Variants in TNRC6B observed in about 807,000 individuals in gnomAD.
The protein encoded by TNRC6B is trinucleotide repeat containing adaptor 6B, also known as trinucleotide repeat-containing gene 6B protein.
A neutral mutation model predicts 203.6 loss-of-function variants in TNRC6B; 52 were observed. The ratio of observed to expected loss-of-function variants is 0.26; its 90% CI spans 0.20 to 0.32. The LOEUF (loss-of-function observed/expected upper bound fraction) is 0.32, where lower values mean the gene tolerates loss of function less well. TNRC6B is among the 10% of genes least tolerant of loss of function. The pLI, the probability that TNRC6B is intolerant of heterozygous loss-of-function variation, is 1.00. For synonymous variants in TNRC6B, 838 were observed against 845.7 expected, an observed-to-expected ratio of 0.99 and a Z score of 0.16; for missense variants, 1,923 against 2,286.2, an observed-to-expected ratio of 0.84 and a Z score of 3.24.
At chr22:40,092,197 G>A (rs1304204367) in intron 1 of TNRC6B, among the ~76,000 whole-genome samples, 2 of 152,090 alleles carry the variant, frequency 1.3e-5, no homozygotes, top group East Asian at 1.9e-4. Flanking sequence ...GAGGTCAGGG[G>A]TTCGAGACCA....
At chr22:40,127,768 G>T (rs1274809013) in intron 3 of TNRC6B, among the ~76,000 whole-genome samples, 1 of 152,136 alleles carries the variant, frequency 6.6e-6, no homozygotes, top group African/African-American at 2.4e-5. Context: ...TACTCAGGAG[G>T]CTGAGGTAGG....
chr22:40,085,643 GT>G (rs879534382), intron 1 of TNRC6B, among the ~76,000 whole-genome samples: 77 of 152,164 alleles, frequency 5.1e-4, no homozygotes, highest in Non-Finnish European at 1.0e-3. Context: ...TTCAGATTGG[GT>G]TTTTTTGGCA....
Position 40,056,788 on chromosome 22 carries a change from ACC to A in TNRC6B, c.-121+11792_-121+11793del, listed in dbSNP as rs769417783. Among the ~76,000 whole-genome samples the A allele has an allele frequency of 1.4e-3, 178 of 130,580 alleles. 1 individual carries two copies. The highest frequency in any genetic ancestry group is 2.7e-3 in the South Asian group (11 of 4,102). The allele number at this position is 130,580 out of a possible 152,430, so 85.7% of individuals were successfully genotyped here. On this transcript the variant is annotated intron_variant, in intron 1 of 23. Transcript: ENST00000301923. ...ACTCCAGCCTGAGAGACAGAGTGAC[ACC>A]CTGTCTCAAAAAAAAAAAAAAAAAG...
chr22:40,103,107 T>A lies in TNRC6B; in HGVS notation c.-120-13948T>A, dbSNP rs139230761. Among the ~76,000 whole-genome samples the A allele has an allele frequency of 9.3e-3, 1,400 of 150,060 alleles. 19 individuals carry two copies. Among genetic ancestry groups the A allele is most frequent in the African/African-American group, 0.026 (1,066 of 40,806 alleles). On this transcript the variant is annotated intron_variant, in intron 1 of 23. Coordinates refer to the TNRC6B transcript ENST00000301923. ...AATAAATAAAAATAAATAAATAAAT[T>A]AATTAATTAATTTAGCTGGTCATGA... is the stretch of plus-strand genomic sequence containing the variant.
chr22:40,241,389 C>A (rs535519611), intron 1 of TNRC6B, among the ~76,000 whole-genome samples: 2 of 152,222 alleles, frequency 1.3e-5, no homozygotes, highest in South Asian at 4.1e-4. Context: ...GTGAGATTTG[C>A]CGCACATTGC....
intron 1 of TNRC6B, among the ~76,000 whole-genome samples, chr22:40,207,493 T>C (rs908190562): frequency 6.7e-6 from 1 of 150,148 alleles, no homozygotes; most frequent in Non-Finnish European, 1.5e-5. Flanking sequence ...TACATGTTCA[T>C]TATATCATGA....
chr22:40,287,299 G>T (rs969382557), intron 12 of TNRC6B, among the ~76,000 whole-genome samples: 3 of 152,166 alleles, frequency 2.0e-5, no homozygotes, highest in African/African-American at 7.2e-5. Context: ...ATGAACCACC[G>T]TGCCCAGCCT....
rs528717282 is a variant in TNRC6B, at chr22:40,106,536, G to A, written c.-120-10519G>A. The A allele has an allele frequency of 5.2e-5, 38 of 735,248 alleles. No individual in the cohort carries two copies. In the East Asian group the frequency reaches 8.6e-4, roughly 17 times the overall value. The allele number at this position is 735,248 out of a possible 1,614,324, so 45.5% of individuals were successfully genotyped here. ...ATGATGCCATATTTACCAAGAGATC[G>A]AGCAATCAAAGTGTTATCTGTCAAA... On this transcript the variant is annotated intron_variant, in intron 1 of 23. Transcript: ENST00000301923.
chr22:40,268,894 C>A lies in TNRC6B; in HGVS notation c.2807-1228C>A, dbSNP rs552035064. Among the ~76,000 whole-genome samples the A allele has an allele frequency of 4.0e-5, 6 of 151,124 alleles. No homozygotes were observed. In the South Asian group the frequency reaches 1.3e-3, roughly 32 times the overall value. ...CGCCACTGCACTCCAGCCTGGGCGACAGAGCAAGACTCCGTCTCAAAAAAT... is the reference window on the plus strand; with the variant it reads ...CGCCACTGCACTCCAGCCTGGGCGAAAGAGCAAGACTCCGTCTCAAAAAAT... On this transcript the variant is annotated intron_variant, in intron 5 of 22. Transcript: ENST00000454349.
At chr22:40,278,961 G>T (rs527700768) in intron 9 of TNRC6B, among the ~76,000 whole-genome samples, 1 of 152,316 alleles carries the variant, frequency 6.6e-6, no homozygotes, top group South Asian at 2.1e-4. Flanking sequence ...GGCTGGTCTC[G>T]AACTCCTGAC....
chr22:40,194,603 A>T (rs2069313559), intron 1 of TNRC6B, among the ~76,000 whole-genome samples: 1 of 152,180 alleles, frequency 6.6e-6, no homozygotes, highest in South Asian at 2.1e-4. Flanking sequence ...CTTGATACAG[A>T]ACTCTTAGTT....
chr22:40,173,331 G>T (rs1225885899), upstream of TNRC6B, among the ~76,000 whole-genome samples: 1 of 151,688 alleles, frequency 6.6e-6, no homozygotes, highest in South Asian at 2.1e-4. Flanking sequence ...ACTTGACCTC[G>T]TGATCCACCC....
Position 40,264,639 on chromosome 22 carries a change from G to A in TNRC6B, c.458-49G>A, listed in dbSNP as rs755038270. The stretch of plus-strand genomic sequence containing the variant: ...GAGAGCCCCTTTGAGGGATTAATGG[G>A]TAATGAATGCATTTGAAGCTGTGAT... On this transcript the variant is annotated intron_variant, in intron 4 of 22. Coordinates refer to ENST00000454349, the MANE Select transcript of TNRC6B (RefSeq NM_001162501.2). 3.3e-6 allele frequency: 5 copies of A among 1,528,546 alleles called. No homozygotes were observed. The South Asian group carries it at 6.6e-5, about 20-fold the overall frequency. The allele number at this position is 1,528,546 out of a possible 1,614,324, so 94.7% of individuals were successfully genotyped here.
intron 1 of TNRC6B, among the ~76,000 whole-genome samples, chr22:40,062,369 C>G (rs896524690): frequency 2.7e-4 from 41 of 151,862 alleles, no homozygotes; most frequent in African/African-American, 9.9e-4. Context: ...CCCAGCTGCC[C>G]AGCTGATTTT....
chr22:40,290,674 C>T (rs965675086), intron 12 of TNRC6B, among the ~76,000 whole-genome samples: 22 of 152,172 alleles, frequency 1.4e-4, no homozygotes, highest in African/African-American at 5.1e-4. Flanking sequence ...CCCCCACCCC[C>T]CGACCCGCTT....
At chr22:40,157,113 T>A (rs116316711) in intron 4 of TNRC6B, among the ~76,000 whole-genome samples, 3,005 of 152,118 alleles carry the variant, frequency 0.02, 89 homozygotes, top group African/African-American at 0.068. Context: ...GGGAGTCTGT[T>A]GGGTAGCTTT....
chr22:40,168,859 C>T (rs1159360611), intron 4 of TNRC6B, among the ~76,000 whole-genome samples: 2 of 152,176 alleles, frequency 1.3e-5, no homozygotes, highest in Non-Finnish European at 2.9e-5. Context: ...CACCTCCTCC[C>T]CTGTGAAATC....
At chr22:40,277,261 CTAGTT>C in intron 8 of TNRC6B, 110 bp downstream of exon 8, 1 of 727,444 alleles carries the variant, frequency 1.4e-6, no homozygotes, top group Non-Finnish European at 2.1e-6. Flanking sequence ...GATTTAAAAA[CTAGTT>C]AAGCAATGTT....
At position 40,326,034 on chromosome 22, in the gene TNRC6B, A is replaced by G. The variant is rs950892276; in HGVS notation, c.*2793A>G. On this transcript the variant is annotated 3_prime_UTR_variant, in exon 23 of 23. Coordinates refer to ENST00000454349, the MANE Select transcript of TNRC6B (RefSeq NM_001162501.2). Reference sequence around the variant, plus strand: ...GAAAAAAACTAAAAACTTTAAAAAAAAAAGACCAAAAAGTGCGTATATATA... The same window carrying G: ...GAAAAAAACTAAAAACTTTAAAAAAGAAAGACCAAAAAGTGCGTATATATA... 8.5e-5 allele frequency: 13 copies of G among 152,538 alleles called. No homozygotes were observed. Among genetic ancestry groups the G allele is most frequent in the African/African-American group, 3.1e-4 (13 of 41,442 alleles). The allele number at this position is 152,538 out of a possible 1,614,324, so 9.4% of individuals were successfully genotyped here. A position where few individuals can be genotyped will look rare whatever the true frequency, so the allele number is the denominator to read the frequency against.
Sources: gnomAD v4.1 joint callset for allele counts (sites outside exome capture counted in the v4.1 genomes callset) on GRCh38, gnomAD v4.1.1 for gene constraint, MANE v1.5 for transcripts, NCBI Gene and HGNC (gene_info 2026-07-23, HGNC 2026-07-21) for gene names.